The following TNIK variants were observed in gnomAD, a reference collection of about 807,000 sequenced individuals.
TNIK encodes TRAF2 and NCK-interacting protein kinase.
Under a neutral mutation model 191.3 loss-of-function variants are expected in TNIK, and 49 were observed. The observed-to-expected ratio is 0.26, with a 90% CI of 0.20 to 0.32. The LOEUF is 0.32. TNIK is among the 10% of genes least tolerant of loss of function. The pLI, the probability that TNIK is intolerant of heterozygous loss-of-function variation, is 1.00. For synonymous variants in TNIK, 594 were observed against 600.9 expected, an observed-to-expected ratio of 0.99 and a Z score of 0.17; for missense variants, 1,155 against 1,702.3, an observed-to-expected ratio of 0.68 and a Z score of 5.66.
At chr3:171,190,260 A>G (rs1737877623) in intron 6 of TNIK, among the ~76,000 whole-genome samples, 2 of 152,228 alleles carry the variant, frequency 1.3e-5, no homozygotes. Context: ...CAAGGTAATA[A>G]CAAAATCAAT....
At chr3:171,165,935 G>T (rs530140974) in intron 10 of TNIK, among the ~76,000 whole-genome samples, 6 of 152,230 alleles carry the variant, frequency 3.9e-5, no homozygotes, top group Admixed American at 3.9e-4. Flanking sequence ...CATTAAACCT[G>T]CTCCAGACCA....
intron 3 of TNIK, among the ~76,000 whole-genome samples, chr3:171,223,758 CCATT>C (rs1742643225): frequency 6.6e-6 from 1 of 152,084 alleles, no homozygotes; most frequent in Non-Finnish European, 1.5e-5. Context: ...GTGTTAGCTA[CCATT>C]ATTATTCTTT....
chr3:171,369,487 A>T (rs1388648780), intron 2 of TNIK, 133 bp downstream of exon 2: 7 of 560,092 alleles, frequency 1.2e-5, no homozygotes, highest in African/African-American at 1.9e-5. Flanking sequence ...AAAGATGGAG[A>T]GTCAATCAAC....
At chr3:171,451,716 C>G (rs1268889784) in intron 1 of TNIK, among the ~76,000 whole-genome samples, 4 of 152,194 alleles carry the variant, frequency 2.6e-5, no homozygotes, top group Admixed American at 6.5e-5. Context: ...AGTGCAGGCT[C>G]TCTTCTCCAT....
At chr3:171,279,373 G>A (rs1435396691) in intron 2 of TNIK, among the ~76,000 whole-genome samples, 1 of 152,006 alleles carries the variant, frequency 6.6e-6, no homozygotes, top group African/African-American at 2.4e-5. Context: ...TAACATCCTT[G>A]TAGACAGTTT....
In TNIK at chr3:171,194,516, G is replaced by C. The variant is rs571948620; in HGVS notation, c.417+9C>G. On this transcript the variant is annotated intron_variant, in intron 5 of 32. Transcript: ENST00000436636. ...TTGGGAGGTGGGCCAGTCCCCACTC[G>C]TAACCTACCCGTAAGATTTCCCTGC... 1.2e-6 allele frequency: 2 copies of C among 1,612,424 alleles called. No homozygotes were observed. The highest frequency in any genetic ancestry group is 2.7e-5 in the African/African-American group (2 of 74,866).
chr3:171,289,837 G>A (rs1226366415), intron 2 of TNIK, among the ~76,000 whole-genome samples: 1 of 151,098 alleles, frequency 6.6e-6, no homozygotes, highest in Non-Finnish European at 1.5e-5. Context: ...AGGAGGCAGA[G>A]GTTGCAGTGA....
intron 1 of TNIK, among the ~76,000 whole-genome samples, chr3:171,376,746 T>TGATAGATAGATAGATA (rs3084308): frequency 4.0e-5 from 6 of 148,672 alleles, no homozygotes; most frequent in Admixed American, 6.7e-5. Context: ...GATAGATAGA[T>TGATAGATAGATAGATA]GATAGATAGA....
intron 16 of TNIK, among the ~76,000 whole-genome samples, chr3:171,128,188 G>C (rs1728742724): frequency 6.6e-6 from 1 of 152,120 alleles, no homozygotes; most frequent in Admixed American, 6.5e-5. Flanking sequence ...GGTCTGAAGT[G>C]GGCCCAATAA....
chr3:171,274,567 A>T (rs902203757), intron 2 of TNIK, among the ~76,000 whole-genome samples: 3 of 152,252 alleles, frequency 2.0e-5, no homozygotes, highest in Admixed American at 2.0e-4. Context: ...TGGTCCTAGC[A>T]GCCTGAGTTT....
intron 2 of TNIK, among the ~76,000 whole-genome samples, chr3:171,334,456 C>CAG (rs1218304690): frequency 6.6e-6 from 1 of 152,138 alleles, no homozygotes; most frequent in East Asian, 1.9e-4. Flanking sequence ...TGGTGGCCAT[C>CAG]AGAGACCTGC....
At position 171,400,109 on chromosome 3, in the gene TNIK, T is replaced by C. The variant is rs567328600; in HGVS notation, c.58-30424A>G. Among the ~76,000 whole-genome samples, 397 of 152,258 alleles carry C rather than the reference T, an allele frequency of 2.6e-3. 1 individual carries two copies. Among genetic ancestry groups the C allele is most frequent in the African/African-American group, 8.7e-3 (361 of 41,550 alleles). On this transcript the variant is annotated intron_variant, in intron 1 of 32. Transcript: ENST00000436636. Reference sequence around the variant, plus strand: ...GACTCAGAGTGGACCCGGGACCTGATGGGTTTTCTTAAATTGGTAGAAACC... The same window carrying C: ...GACTCAGAGTGGACCCGGGACCTGACGGGTTTTCTTAAATTGGTAGAAACC...
chr3:171,201,497 T>C (rs534314090), intron 4 of TNIK, among the ~76,000 whole-genome samples: 1 of 152,290 alleles, frequency 6.6e-6, no homozygotes, highest in African/African-American at 2.4e-5. Context: ...GAAACATCAA[T>C]GAGGCACAGA....
intron 1 of TNIK, among the ~76,000 whole-genome samples, chr3:171,402,716 G>C (rs764923617): frequency 6.6e-6 from 1 of 152,206 alleles, no homozygotes; most frequent in Non-Finnish European, 1.5e-5. Context: ...TCAAAGGTTA[G>C]CTCTCCAAAA....
rs139335103 is a variant in TNIK, at chr3:171,287,881, C to A, written c.124-59660G>T. Among the ~76,000 whole-genome samples the A allele has an allele frequency of 8.2e-3, 1,241 of 152,024 alleles. 42 individuals are homozygous for A. The highest frequency in any genetic ancestry group is 0.061 in the Admixed American group (933 of 15,270). On this transcript the variant is annotated intron_variant, in intron 2 of 32. Transcript: ENST00000436636. ...GACACATGCACACGTATGTTTATTG[C>A]GGCATTATTCACAATAGCAAAGACT...
chr3:171,257,222 C>A (rs148204854), intron 2 of TNIK, among the ~76,000 whole-genome samples: 2 of 152,106 alleles, frequency 1.3e-5, no homozygotes, highest in African/African-American at 4.8e-5. Context: ...CCAGGGCAGG[C>A]GGTACTCTAG....
chr3:171,066,800 C>G lies in TNIK; in HGVS notation c.3700-65G>C, dbSNP rs931642752. On this transcript the variant is annotated intron_variant, in intron 30 of 32. Coordinates refer to ENST00000436636, the MANE Select transcript of TNIK (RefSeq NM_015028.4). The stretch of plus-strand genomic sequence containing the variant: ...AATAAAACACCTTGACTATTCATCT[C>G]TAACAACTGCAAAAAAGAGGTTTTT... 7 of 1,518,070 alleles carry G rather than the reference C, an allele frequency of 4.6e-6. No homozygotes were observed. The Admixed American group carries it at 1.5e-4, about 33-fold the overall frequency. The allele number at this position is 1,518,070 out of a possible 1,614,324, so 94.0% of individuals were successfully genotyped here.
At chr3:171,347,167 C>T in intron 2 of TNIK, 1 of 1,529,596 alleles carries the variant, frequency 6.5e-7, no homozygotes, top group Non-Finnish European at 8.7e-7. Flanking sequence ...ATGGGTGACT[C>T]CTAGTTGGTT....
chr3:171,146,523 A>G (rs1731611436), intron 12 of TNIK, among the ~76,000 whole-genome samples: 2 of 152,172 alleles, frequency 1.3e-5, no homozygotes, highest in Admixed American at 1.3e-4. Flanking sequence ...AAAGAATAAA[A>G]TGGTTTGGAA....
Sources: allele counts gnomAD v4.1 joint callset (sites outside exome capture counted in the v4.1 genomes callset), GRCh38; gene constraint gnomAD v4.1.1; transcripts MANE v1.5; gene names NCBI Gene and HGNC (gene_info 2026-07-23, HGNC 2026-07-21).